Variants in DLGAP2 observed in about 807,000 individuals in gnomAD.
The protein encoded by DLGAP2 is disks large-associated protein 2.
DLGAP2 carries 26 observed loss-of-function variants against 100.3 expected under a neutral mutation model. The observed-to-expected ratio is 0.26, with a 90% CI of 0.19 to 0.36. DLGAP2 has a LOEUF of 0.36. Ranked by LOEUF, DLGAP2 falls within the 10% of genes least tolerant of loss-of-function variation. DLGAP2 has a pLI of 1.00. For missense variants in DLGAP2, 1,858 were observed against 1,453.2 expected, an observed-to-expected ratio of 1.28 and a Z score of -4.53; for synonymous variants, 886 against 630.1, an observed-to-expected ratio of 1.41 and a Z score of -6.08.
intron 3 of DLGAP2, among the ~76,000 whole-genome samples, chr8:1,455,484 G>C (rs1240453496): frequency 1.3e-5 from 2 of 152,264 alleles, no homozygotes; most frequent in East Asian, 3.9e-4. Flanking sequence ...AGCCTAGACA[G>C]CTTTGCCCGT....
At chr8:1,669,628 C>G (rs1274049608) in intron 9 of DLGAP2, 115 bp from the exon 10 acceptor site, 6 of 746,690 alleles carry the variant, frequency 8.0e-6, no homozygotes, top group Non-Finnish European at 1.2e-5. Flanking sequence ...TGCTGAGAGC[C>G]GGGCCCGTGC....
rs191248530 is a variant in DLGAP2 at position 823,433 on chromosome 8, C to T, written c.19-84479C>T. 2.6e-4 allele frequency among the ~76,000 whole-genome samples: 39 copies of T among 152,230 alleles called. 1 individual carries two copies. The highest frequency in any genetic ancestry group is 1.4e-3 in the Admixed American group (22 of 15,298). ...CCCTGTAACTAGCAAGGGGCAATTGCTTATTTGTACTGTGAATTAGTTAGG... is the reference window on the plus strand; with the variant it reads ...CCCTGTAACTAGCAAGGGGCAATTGTTTATTTGTACTGTGAATTAGTTAGG... On this transcript the variant is annotated intron_variant, in intron 1 of 14. Coordinates refer to ENST00000637795, the MANE Select transcript of DLGAP2 (RefSeq NM_001346810.2).
chr8:1,037,662 GC>G (rs1212969543), intron 2 of DLGAP2, among the ~76,000 whole-genome samples: 1 of 152,218 alleles, frequency 6.6e-6, no homozygotes, highest in Non-Finnish European at 1.5e-5. Flanking sequence ...CAGTGGCTCT[GC>G]CCTTGCTGGG....
At chr8:1,264,128 C>T (rs188662231) in intron 3 of DLGAP2, among the ~76,000 whole-genome samples, 2 of 151,572 alleles carry the variant, frequency 1.3e-5, no homozygotes, top group East Asian at 3.9e-4. Flanking sequence ...CAATATGTAA[C>T]ACAATTTATT....
Position 1,563,736 on chromosome 8 carries a change from C to T in DLGAP2, c.1231-1947C>T, listed in dbSNP as rs191080116. The stretch of plus-strand genomic sequence containing the variant: ...GCAATGTGGAAGATGTCAGATCTGC[C>T]GGAGCACTGGTGTGGCATGGCATTT... On this transcript the variant is annotated intron_variant, in intron 5 of 14. Coordinates refer to ENST00000637795, the MANE Select transcript of DLGAP2 (RefSeq NM_001346810.2). Among the ~76,000 whole-genome samples the T allele has an allele frequency of 6.9e-4, 105 of 152,144 alleles. 1 individual carries two copies. Among genetic ancestry groups the T allele is most frequent in the Admixed American group, 1.8e-3 (28 of 15,286 alleles).
chr8:788,255 G>T (rs566861096), intron 1 of DLGAP2, among the ~76,000 whole-genome samples: 1 of 152,346 alleles, frequency 6.6e-6, no homozygotes, highest in African/African-American at 2.4e-5. Flanking sequence ...TAGCCAAATG[G>T]CTGTTTCTGG....
chr8:1,510,367 G>C (rs910004543), intron 4 of DLGAP2, among the ~76,000 whole-genome samples: 1 of 152,220 alleles, frequency 6.6e-6, no homozygotes, highest in African/African-American at 2.4e-5. Context: ...CAGGCTTCCA[G>C]AGGAACTCTG....
intron 2 of DLGAP2, among the ~76,000 whole-genome samples, chr8:1,000,237 G>A (rs997331951): frequency 1.6e-4 from 24 of 151,750 alleles, no homozygotes; most frequent in African/African-American, 5.3e-4. Flanking sequence ...TCCAGGTGGG[G>A]GTGGTTTTCT....
At chr8:1,434,515 T>A (rs1475860965) in intron 3 of DLGAP2, among the ~76,000 whole-genome samples, 1 of 152,026 alleles carries the variant, frequency 6.6e-6, no homozygotes, top group African/African-American at 2.4e-5. Flanking sequence ...CTCACTCTGT[T>A]TCCCAGCCTG....
intron 2 of DLGAP2, among the ~76,000 whole-genome samples, chr8:1,053,021 G>A (rs1233183477): frequency 6.6e-6 from 1 of 152,210 alleles, no homozygotes; most frequent in East Asian, 1.9e-4. Flanking sequence ...TCACTGCGGA[G>A]TTGCTGTAGG....
intron 1 of DLGAP2, among the ~76,000 whole-genome samples, chr8:823,565 G>A (rs577482454): frequency 2.6e-5 from 4 of 152,162 alleles, no homozygotes; most frequent in Non-Finnish European, 5.9e-5. Context: ...GTCAGCTCCA[G>A]CAGCACGGGG....
At chr8:878,839 A>G (rs1280061884) in intron 1 of DLGAP2, among the ~76,000 whole-genome samples, 1 of 152,204 alleles carries the variant, frequency 6.6e-6, no homozygotes. Context: ...GGCTCCCACC[A>G]GAAGCCATGG....
chr8:1,220,304 T>G (rs1798291849), intron 2 of DLGAP2, among the ~76,000 whole-genome samples: 1 of 152,186 alleles, frequency 6.6e-6, no homozygotes, highest in Admixed American at 6.5e-5. Flanking sequence ...TGTGGCATGT[T>G]GTATATTTGT....
chr8:1,318,399 G>T (rs954713051), intron 3 of DLGAP2, among the ~76,000 whole-genome samples: 5 of 151,176 alleles, frequency 3.3e-5, no homozygotes, highest in Admixed American at 6.6e-5. Flanking sequence ...GCTCCCCACT[G>T]TCCATATCTA....
chr8:1,049,022 TGA>T (rs1802595845), intron 2 of DLGAP2, among the ~76,000 whole-genome samples: 1 of 152,210 alleles, frequency 6.6e-6, no homozygotes, highest in Non-Finnish European at 1.5e-5. Context: ...AGAATGACAT[TGA>T]TAAGAGATTG....
At chr8:817,820 T>G (rs1796511256) in intron 1 of DLGAP2, among the ~76,000 whole-genome samples, 1 of 152,178 alleles carries the variant, frequency 6.6e-6, no homozygotes. Context: ...GATTTTTGTC[T>G]TAAAGTCTTG....
chr8:1,017,800 C>T (rs1801510572), intron 2 of DLGAP2, among the ~76,000 whole-genome samples: 1 of 152,216 alleles, frequency 6.6e-6, no homozygotes, highest in African/African-American at 2.4e-5. Context: ...CCACCTCACT[C>T]CTCTCCACGC....
chr8:779,523 G>T (rs1303554455), intron 1 of DLGAP2, among the ~76,000 whole-genome samples: 2 of 150,682 alleles, frequency 1.3e-5, no homozygotes, highest in African/African-American at 4.9e-5. Flanking sequence ...GAGTGCAGTG[G>T]TGCCATCATA....
At chr8:1,595,673 CAAAAAAAAA>C (rs760901814) in intron 6 of DLGAP2, among the ~76,000 whole-genome samples, 3,382 of 98,508 alleles carry the variant, frequency 0.034, 152 homozygotes, top group African/African-American at 0.11. Flanking sequence ...GACTCCGTCT[CAAAAAAAAA>C]AAAAAAAAAG....
Sources: allele counts gnomAD v4.1 joint callset (sites outside exome capture counted in the v4.1 genomes callset), GRCh38; gene constraint gnomAD v4.1.1; transcripts MANE v1.5; gene names NCBI Gene and HGNC (gene_info 2026-07-23, HGNC 2026-07-21).